The following CCDC73 variants were observed in gnomAD, a reference collection of about 807,000 sequenced individuals.
CCDC73 encodes the protein coiled-coil domain containing 73.
A neutral mutation model predicts 116.5 loss-of-function variants in CCDC73; 95 were observed. That is an observed-to-expected ratio of 0.82 (90% CI 0.69 to 0.97). The LOEUF (loss-of-function observed/expected upper bound fraction) is 0.97, where lower values mean the gene tolerates loss of function less well. CCDC73 is among the 50% of genes least tolerant of loss of function. CCDC73 has a pLI of 0.00. For missense variants in CCDC73, 1,066 were observed against 1,206.8 expected, an observed-to-expected ratio of 0.88 and a Z score of 1.73; for synonymous variants, 398 against 401.3, an observed-to-expected ratio of 0.99 and a Z score of 0.10.
chr11:32,764,308 T>C (rs957006304), intron 1 of CCDC73, among the ~76,000 whole-genome samples: 1 of 152,088 alleles, frequency 6.6e-6, no homozygotes, highest in South Asian at 2.1e-4. Context: ...AGACACATAA[T>C]TGTCAGATTC....
At chr11:32,702,712 T>C (rs887390281) in intron 4 of CCDC73, among the ~76,000 whole-genome samples, 161 bp downstream of exon 4, 1 of 152,236 alleles carries the variant, frequency 6.6e-6, no homozygotes, top group African/African-American at 2.4e-5. Flanking sequence ...CTATTGTCAG[T>C]TGTGATTAAA....
chr11:32,815,412 G>T, the CCDC73 span, among the ~76,000 whole-genome samples: 1 of 150,150 alleles, frequency 6.7e-6, no homozygotes, highest in African/African-American at 2.5e-5. Context: ...ATAACTCATT[G>T]TAACCTCAAA....
the CCDC73 span, among the ~76,000 whole-genome samples, chr11:32,802,189 G>A: frequency 6.6e-6 from 1 of 152,206 alleles, no homozygotes; most frequent in African/African-American, 2.4e-5. Flanking sequence ...ACTGCCTGCT[G>A]CACTAACATT....
intron 14 of CCDC73, among the ~76,000 whole-genome samples, chr11:32,623,302 G>A (rs2044124461): frequency 6.6e-6 from 1 of 152,244 alleles, no homozygotes; most frequent in African/African-American, 2.4e-5. Context: ...ACTATGCCTG[G>A]CCATAATATC....
chr11:32,676,389 A>G (rs1350308916), intron 7 of CCDC73, among the ~76,000 whole-genome samples: 1 of 152,234 alleles, frequency 6.6e-6, no homozygotes, highest in Admixed American at 6.5e-5. Context: ...TTTTCTCTAA[A>G]TCATTTGAAT....
intron 16 of CCDC73, among the ~76,000 whole-genome samples, chr11:32,611,856 A>G (rs1455388478): frequency 6.6e-6 from 1 of 152,222 alleles, no homozygotes; most frequent in Non-Finnish European, 1.5e-5. Context: ...AGAATTTTAG[A>G]TATCACCCTT....
intron 2 of CCDC73, among the ~76,000 whole-genome samples, chr11:32,746,865 A>C (rs567145552): frequency 7.9e-5 from 12 of 152,146 alleles, no homozygotes; most frequent in Non-Finnish European, 1.8e-4. Context: ...GCAATGGGTC[A>C]GAACATGCTC....
intron 1 of CCDC73, among the ~76,000 whole-genome samples, chr11:32,766,960 G>GA (rs1185089416): frequency 6.6e-6 from 1 of 152,154 alleles, no homozygotes; most frequent in African/African-American, 2.4e-5. Context: ...CACAGAATTG[G>GA]AAAAAACTAC....
At chr11:32,785,261 T>C (rs1251527986) in intron 1 of CCDC73, among the ~76,000 whole-genome samples, 2 of 152,236 alleles carry the variant, frequency 1.3e-5, no homozygotes, top group African/African-American at 4.8e-5. Flanking sequence ...GTTTTAATTT[T>C]ATGTAAATGT....
chr11:32,771,466 A>G (rs1177828103), intron 1 of CCDC73, among the ~76,000 whole-genome samples: 1 of 152,188 alleles, frequency 6.6e-6, no homozygotes, highest in Non-Finnish European at 1.5e-5. Context: ...TGAACTAGTG[A>G]CTGCTAAATG....
the CCDC73 span, chr11:32,830,443 G>C: frequency 6.8e-5 from 84 of 1,230,346 alleles, no homozygotes; most frequent in Non-Finnish European, 8.7e-5. Context: ...GATTCAGTTC[G>C]ACAGAAACTC....
At chr11:32,750,823 C>T (rs1408334048) in intron 2 of CCDC73, among the ~76,000 whole-genome samples, 1 of 152,166 alleles carries the variant, frequency 6.6e-6, no homozygotes, top group Non-Finnish European at 1.5e-5. Flanking sequence ...CAAGCTGGTA[C>T]CTAAGCTGCA....
intron 2 of CCDC73, among the ~76,000 whole-genome samples, chr11:32,718,461 T>C (rs1393346794): frequency 6.6e-6 from 1 of 152,196 alleles, no homozygotes; most frequent in Non-Finnish European, 1.5e-5. Flanking sequence ...AAAGGTAGAA[T>C]GTAGGCTACT....
At chr11:32,620,049 G>C (rs1178138889) in intron 14 of CCDC73, among the ~76,000 whole-genome samples, 1 of 152,210 alleles carries the variant, frequency 6.6e-6, no homozygotes, top group Non-Finnish European at 1.5e-5. Context: ...AAAAGTCAGT[G>C]ATTTACAACA....
At chr11:32,654,520 C>G (rs890658037) in intron 10 of CCDC73, among the ~76,000 whole-genome samples, 1 of 152,188 alleles carries the variant, frequency 6.6e-6, no homozygotes, top group African/African-American at 2.4e-5. Context: ...CTTCAGTGAA[C>G]TGAAGAAGAT....
the CCDC73 span, among the ~76,000 whole-genome samples, chr11:32,818,683 A>G: frequency 4.6e-5 from 7 of 152,210 alleles, no homozygotes; most frequent in Non-Finnish European, 2.9e-5. Flanking sequence ...ATGAAGGTTG[A>G]ACAAAACGCC....
intron 9 of CCDC73, among the ~76,000 whole-genome samples, chr11:32,672,290 C>T (rs902337423): frequency 4.6e-5 from 7 of 152,006 alleles, no homozygotes; most frequent in African/African-American, 1.2e-4. Flanking sequence ...TGCAATGAGC[C>T]GAGATTGCGC....
chr11:32,740,917 ATCTCTTCATTGACCAACTGATC>A (rs1456349643), intron 2 of CCDC73, among the ~76,000 whole-genome samples: 1 of 151,886 alleles, frequency 6.6e-6, no homozygotes, highest in Non-Finnish European at 1.5e-5. Context: ...TTCCTTCTTG[ATCTCTTCATTGACCAACTGATC>A]ATTCAGGAGC....
At chr11:32,786,764 GC>G (rs1443451253) in intron 1 of CCDC73, among the ~76,000 whole-genome samples, 2 of 151,858 alleles carry the variant, frequency 1.3e-5, no homozygotes, top group Non-Finnish European at 2.9e-5. Flanking sequence ...AAGTAAGTTA[GC>G]CTATAATCCT....
Sources: allele counts gnomAD v4.1 joint callset (sites outside exome capture counted in the v4.1 genomes callset), GRCh38; gene constraint gnomAD v4.1.1; transcripts MANE v1.5; gene names NCBI Gene and HGNC (gene_info 2026-07-23, HGNC 2026-07-21).